MAP2K6: variants seen among roughly 807,000 people sequenced by gnomAD.
The protein encoded by MAP2K6 is mitogen-activated protein kinase kinase 6, also known as dual specificity mitogen-activated protein kinase kinase 6.
Under a neutral mutation model 53.7 loss-of-function variants are expected in MAP2K6, and 16 were observed. That is an observed-to-expected ratio of 0.30 (90% CI 0.20 to 0.45). The LOEUF (loss-of-function observed/expected upper bound fraction) is 0.45. Ranked by LOEUF, MAP2K6 falls within the 20% of genes least tolerant of loss-of-function variation. The pLI, the probability that MAP2K6 is intolerant of heterozygous loss-of-function variation, is 1.00. For missense variants in MAP2K6, 204 were observed against 411.9 expected, an observed-to-expected ratio of 0.50 and a Z score of 4.37; for synonymous variants, 132 against 143.1, an observed-to-expected ratio of 0.92 and a Z score of 0.55.
intron 1 of MAP2K6, among the ~76,000 whole-genome samples, chr17:69,421,778 C>T (rs1046675284): frequency 3.3e-5 from 5 of 151,954 alleles, no homozygotes; most frequent in Admixed American, 6.6e-5. Flanking sequence ...CTCCTGACCT[C>T]GTGATCCACC....
intron 10 of MAP2K6, among the ~76,000 whole-genome samples, chr17:69,528,423 A>T (rs1910896543): frequency 1.3e-5 from 2 of 152,130 alleles, no homozygotes; most frequent in Non-Finnish European, 1.5e-5. Flanking sequence ...AGTGTGCTGG[A>T]TGTGGTAGTA....
At position 69,549,100 on chromosome 17, in the gene MAP2K6, A is replaced by G. The variant is rs1165187946; in HGVS notation, c.*7347A>G. On this transcript the variant is annotated 3_prime_UTR_variant, in exon 12 of 12. Coordinates refer to ENST00000590474, the MANE Select transcript of MAP2K6 (RefSeq NM_002758.4). Reference sequence around the variant, plus strand: ...GTATCTTGACATCACTTGTATTATCATTTGAACTTGGACATTGAGCCCTTT... The same window carrying G: ...GTATCTTGACATCACTTGTATTATCGTTTGAACTTGGACATTGAGCCCTTT... 6.6e-6 allele frequency: 1 copy of G among 152,196 alleles called. No homozygotes were observed. Among genetic ancestry groups the G allele is most frequent in the East Asian group, 1.9e-4 (1 of 5,206 alleles). The allele number at this position is 152,196 out of a possible 1,614,324, so 9.4% of individuals were successfully genotyped here.
chr17:69,550,302 C>T lies in MAP2K6; in HGVS notation c.*8549C>T, dbSNP rs1337666273. On this transcript the variant is annotated 3_prime_UTR_variant, in exon 12 of 12. Coordinates refer to ENST00000590474, the MANE Select transcript of MAP2K6 (RefSeq NM_002758.4). ...GAATATACCCCTCATCCATCAGCCACCTCTGGGTAAAGAAACACAAATACC... is the reference window on the plus strand; with the variant it reads ...GAATATACCCCTCATCCATCAGCCATCTCTGGGTAAAGAAACACAAATACC... The T allele has an allele frequency of 1.3e-5, 2 of 152,178 alleles. No homozygotes were observed. The highest frequency in any genetic ancestry group is 2.9e-5 in the Non-Finnish European group (2 of 68,030). 9.4% of individuals were successfully genotyped at this position (152,178 alleles called of 1,614,324 possible).
At chr17:69,457,895 C>T (rs953466392) in intron 1 of MAP2K6, among the ~76,000 whole-genome samples, 6 of 152,220 alleles carry the variant, frequency 3.9e-5, no homozygotes, top group South Asian at 2.1e-4. Flanking sequence ...GCAATGTCTG[C>T]AGAAGATTCC....
intron 10 of MAP2K6, among the ~76,000 whole-genome samples, chr17:69,534,382 A>G (rs1911245841): frequency 6.6e-6 from 1 of 152,050 alleles, no homozygotes; most frequent in African/African-American, 2.4e-5. Context: ...TTTCTCTCAT[A>G]GGTTGTCTGG....
intron 1 of MAP2K6, among the ~76,000 whole-genome samples, chr17:69,500,447 CAAA>C (rs58712110): frequency 3.5e-5 from 2 of 57,630 alleles, no homozygotes; most frequent in East Asian, 9.3e-4. Flanking sequence ...GACTCTGTCT[CAAA>C]AAAAAAAAAA....
rs1431728241 is a variant in MAP2K6 at position 69,552,590 on chromosome 17, T to C, written c.*10837T>C. 2 of 152,226 alleles carry C rather than the reference T, an allele frequency of 1.3e-5. No individual in the cohort carries two copies. The highest frequency in any genetic ancestry group is 4.1e-4 in the South Asian group (2 of 4,836). 9.4% of individuals were successfully genotyped at this position (152,226 alleles called of 1,614,324 possible). On this transcript the variant is annotated 3_prime_UTR_variant, in exon 12 of 12. Transcript: ENST00000590474. The stretch of plus-strand genomic sequence containing the variant: ...GTTTCCATGCTCTTGAGGTGAATAT[T>C]AAATTTAAATTCTGGCCTTTGGGAA...
chr17:69,420,680 G>A (rs1468618756), intron 1 of MAP2K6, among the ~76,000 whole-genome samples: 2 of 152,164 alleles, frequency 1.3e-5, no homozygotes, highest in African/African-American at 4.8e-5. Flanking sequence ...CAGATTCTCT[G>A]TCCGTAAGTT....
At chr17:69,478,196 G>A (rs947584758) in intron 1 of MAP2K6, among the ~76,000 whole-genome samples, 45 of 152,204 alleles carry the variant, frequency 3.0e-4, no homozygotes, top group African/African-American at 1.1e-3. Flanking sequence ...TTGGTAGGCA[G>A]CCTAGAAGGA....
intron 2 of MAP2K6, among the ~76,000 whole-genome samples, chr17:69,515,358 C>A (rs545366870): frequency 6.6e-6 from 1 of 151,094 alleles, no homozygotes; most frequent in Non-Finnish European, 1.5e-5. Context: ...GGTTTCACCA[C>A]GTTGGCCAGG....
chr17:69,479,277 G>T (rs905575553), intron 1 of MAP2K6, among the ~76,000 whole-genome samples: 6 of 152,118 alleles, frequency 3.9e-5, no homozygotes, highest in Admixed American at 3.3e-4. Context: ...TACAGGTCAA[G>T]CATCCCTAAT....
At chr17:69,505,217 G>A (rs796842569) in intron 1 of MAP2K6, among the ~76,000 whole-genome samples, 12 of 151,974 alleles carry the variant, frequency 7.9e-5, no homozygotes, top group East Asian at 1.9e-4. Flanking sequence ...CAAGGTCAGC[G>A]GATCACCTGA....
chr17:69,541,592 C>G (rs1820200284), intron 11 of MAP2K6, 84 bp from the exon 12 acceptor site: 2 of 1,048,462 alleles, frequency 1.9e-6, no homozygotes, highest in Non-Finnish European at 2.9e-6. Context: ...AATCCCTGTA[C>G]CAAGCAGATC....
chr17:69,420,018 T>G (rs905996499), intron 1 of MAP2K6, among the ~76,000 whole-genome samples: 1 of 152,134 alleles, frequency 6.6e-6, no homozygotes, highest in Admixed American at 6.6e-5. Context: ...GATAGTTGGG[T>G]TCTGTGTATC....
chr17:69,500,852 G>A (rs1909144106), intron 1 of MAP2K6, among the ~76,000 whole-genome samples: 1 of 152,168 alleles, frequency 6.6e-6, no homozygotes, highest in South Asian at 2.1e-4. Context: ...GAATCTCAGT[G>A]GTATATAAGA....
rs146895898 is a variant in MAP2K6, at chr17:69,418,117, G to A, written c.16+3117G>A. On this transcript the variant is annotated intron_variant, in intron 1 of 11. Coordinates refer to ENST00000590474, the MANE Select transcript of MAP2K6 (RefSeq NM_002758.4). ...TTCCTTTGTTAGGTTGTACCAGACGGACTTGTCATGCTTAGCCTGTAATCT... is the reference window on the plus strand; with the variant it reads ...TTCCTTTGTTAGGTTGTACCAGACGAACTTGTCATGCTTAGCCTGTAATCT... Among the ~76,000 whole-genome samples the A allele has an allele frequency of 9.0e-3, 1,363 of 152,282 alleles. 12 individuals carry two copies. The highest frequency in any genetic ancestry group is 0.023 in the South Asian group (109 of 4,826).
chr17:69,422,940 A>G (rs867745596), intron 1 of MAP2K6, among the ~76,000 whole-genome samples: 12 of 152,094 alleles, frequency 7.9e-5, no homozygotes, highest in South Asian at 4.1e-4. Flanking sequence ...TGGGAGTGCA[A>G]TGGCGCGATC....
intron 1 of MAP2K6, among the ~76,000 whole-genome samples, chr17:69,460,217 T>TA (rs772707819): frequency 3.3e-5 from 5 of 152,136 alleles, no homozygotes; most frequent in Admixed American, 6.6e-5. Context: ...TTGCTAAACA[T>TA]ACTGGGAAAG....
At chr17:69,516,133 T>C (rs1238311880) in intron 2 of MAP2K6, among the ~76,000 whole-genome samples, 1 of 152,022 alleles carries the variant, frequency 6.6e-6, no homozygotes, top group Non-Finnish European at 1.5e-5. Flanking sequence ...TTTATTATTA[T>C]TACATTGTAA....
Sources: gnomAD v4.1 joint callset for allele counts (sites outside exome capture counted in the v4.1 genomes callset) on GRCh38, gnomAD v4.1.1 for gene constraint, MANE v1.5 for transcripts, NCBI Gene and HGNC (gene_info 2026-07-23, HGNC 2026-07-21) for gene names.